Variants in GAB2 observed in about 807,000 individuals in gnomAD.
The protein encoded by GAB2 is GRB2 associated binding protein 2.
In GAB2, 26 loss-of-function variants were observed where a neutral mutation model predicts 65.5. The observed-to-expected ratio is 0.40, with a 90% CI of 0.29 to 0.55. The LOEUF (loss-of-function observed/expected upper bound fraction) is 0.55. Among genes scored for constraint, GAB2 ranks in the 20% least tolerant of loss-of-function variants. The probability of loss-of-function intolerance (pLI) is 0.53; values close to 1 mark genes in which losing one functional copy is unlikely to be tolerated. For synonymous variants in GAB2, 321 were observed against 329.6 expected, an observed-to-expected ratio of 0.97 and a Z score of 0.28; for missense variants, 884 against 875.8, an observed-to-expected ratio of 1.01 and a Z score of -0.12.
intron 1 of GAB2, among the ~76,000 whole-genome samples, chr11:78,383,906 T>C (rs1040404340): frequency 2.0e-5 from 3 of 152,172 alleles, no homozygotes; most frequent in Non-Finnish European, 2.9e-5. Context: ...TCGCCAGGCA[T>C]TGCGGGCTTT....
intron 4 of GAB2, among the ~76,000 whole-genome samples, chr11:78,225,608 A>G (rs1429609739): frequency 6.6e-6 from 1 of 152,214 alleles, no homozygotes; most frequent in Non-Finnish European, 1.5e-5. Flanking sequence ...TGTTTTATGT[A>G]TGTCTTTATC....
In GAB2 at chr11:78,266,083, C is replaced by T. The variant is rs909365046; in HGVS notation, c.376+14518G>A. 5.6e-4 allele frequency among the ~76,000 whole-genome samples: 85 copies of T among 151,604 alleles called. 1 individual carries two copies. The highest frequency in any genetic ancestry group is 1.1e-3 in the Non-Finnish European group (76 of 67,930). On this transcript the variant is annotated intron_variant, in intron 2 of 9. Transcript: ENST00000361507. ...TACAAAAATTTGCCGGGTGTGGTGGCGCATGCTTGTAATCCCAGCTACTTG... is the reference window on the plus strand; with the variant it reads ...TACAAAAATTTGCCGGGTGTGGTGGTGCATGCTTGTAATCCCAGCTACTTG...
chr11:78,407,693 GAAAGAAA>G (rs1420292533), intron 1 of GAB2, among the ~76,000 whole-genome samples: 5 of 140,878 alleles, frequency 3.5e-5, no homozygotes, highest in Non-Finnish European at 6.1e-5. Context: ...AAGAAAGAAA[GAAAGAAA>G]GAGATGGCAT....
chr11:78,220,995 T>C (rs1024488166), intron 8 of GAB2, among the ~76,000 whole-genome samples: 1 of 152,144 alleles, frequency 6.6e-6, no homozygotes, highest in Non-Finnish European at 1.5e-5. Context: ...TCCTCCAAGA[T>C]CTGAAGAGGG....
At chr11:78,237,827 C>T (rs989353308) in intron 3 of GAB2, among the ~76,000 whole-genome samples, 2 of 152,154 alleles carry the variant, frequency 1.3e-5, no homozygotes, top group Non-Finnish European at 2.9e-5. Context: ...TACCTATATA[C>T]CATGGAATAC....
At chr11:78,251,569 G>A (rs1159554702) in intron 2 of GAB2, among the ~76,000 whole-genome samples, 1 of 152,140 alleles carries the variant, frequency 6.6e-6, no homozygotes, top group Non-Finnish European at 1.5e-5. Flanking sequence ...CCATAAACAA[G>A]GCATATGGAA....
intron 1 of GAB2, among the ~76,000 whole-genome samples, chr11:78,321,882 AAAC>A (rs1855730785): frequency 6.6e-6 from 1 of 152,154 alleles, no homozygotes; most frequent in Admixed American, 6.5e-5. Flanking sequence ...AAAAAAAAAA[AAAC>A]AATGGGGATA....
intron 1 of GAB2, among the ~76,000 whole-genome samples, chr11:78,303,942 T>A (rs561802601): frequency 6.6e-6 from 1 of 152,122 alleles, no homozygotes; most frequent in Non-Finnish European, 1.5e-5. Flanking sequence ...CTCAGTTATA[T>A]CCAAAGCACT....
In GAB2 at chr11:78,365,881, G is replaced by A. The variant is rs369534036; in HGVS notation, c.75+51765C>T. On this transcript the variant is annotated intron_variant, in intron 1 of 9. Transcript: ENST00000361507. ...GACAAGTCCTCCATAATTCTATCCC[G>A]CTCTATGGAGGCATCAGAATTTCGT... Among the ~76,000 whole-genome samples the A allele has an allele frequency of 1.7e-3, 257 of 152,248 alleles. 1 individual carries two copies. Among genetic ancestry groups the A allele is most frequent in the Non-Finnish European group, 3.2e-3 (215 of 68,022 alleles).
In GAB2 at chr11:78,217,582, G is replaced by A. The variant is rs1446205054; in HGVS notation, c.*1690C>T. The stretch of plus-strand genomic sequence containing the variant: ...AGTTCTGTTCGCCCCAGGGTAGAAT[G>A]AAACGTCTGGTCTGTCCTGTTGCTT... On this transcript the variant is annotated 3_prime_UTR_variant, in exon 10 of 10. Transcript: ENST00000361507. The A allele has an allele frequency of 6.6e-6, 1 of 152,198 alleles. No homozygotes were observed. Among genetic ancestry groups the A allele is most frequent in the Non-Finnish European group, 1.5e-5 (1 of 68,052 alleles). The allele number at this position is 152,198 out of a possible 1,614,324, so 9.4% of individuals were successfully genotyped here.
chr11:78,356,936 C>T (rs1344256186), intron 1 of GAB2, among the ~76,000 whole-genome samples: 1 of 152,126 alleles, frequency 6.6e-6, no homozygotes, highest in Non-Finnish European at 1.5e-5. Flanking sequence ...ATATAACATA[C>T]CTAGAATCAA....
intron 2 of GAB2, among the ~76,000 whole-genome samples, chr11:78,269,579 C>T (rs1053669245): frequency 6.6e-6 from 1 of 152,158 alleles, no homozygotes; most frequent in Non-Finnish European, 1.5e-5. Context: ...TTTGAAGACC[C>T]CACTAACATT....
At chr11:78,369,555 GT>G (rs1856541106) in intron 1 of GAB2, among the ~76,000 whole-genome samples, 1 of 152,134 alleles carries the variant, frequency 6.6e-6, no homozygotes, top group Non-Finnish European at 1.5e-5. Context: ...CTTGCTATTA[GT>G]TTTGCTTTGG....
chr11:78,415,228 C>T (rs1857179605), intron 1 of GAB2, among the ~76,000 whole-genome samples: 1 of 152,238 alleles, frequency 6.6e-6, no homozygotes, highest in African/African-American at 2.4e-5. Context: ...CCTAGTTCAA[C>T]TACTTTTTCC....
intron 1 of GAB2, among the ~76,000 whole-genome samples, chr11:78,312,649 G>T (rs1855525055): frequency 6.6e-6 from 1 of 152,062 alleles, no homozygotes. Flanking sequence ...GACTGGTCAT[G>T]AACTCCTGAC....
intron 1 of GAB2, among the ~76,000 whole-genome samples, chr11:78,356,441 C>T (rs1421404244): frequency 6.6e-6 from 1 of 152,162 alleles, no homozygotes; most frequent in East Asian, 1.9e-4. Flanking sequence ...CTATAGCAGA[C>T]CTCAAGAATC....
intron 1 of GAB2, among the ~76,000 whole-genome samples, chr11:78,368,775 G>A (rs1404375217): frequency 6.6e-6 from 1 of 151,662 alleles, no homozygotes; most frequent in East Asian, 1.9e-4. Flanking sequence ...CCCCAGAAAA[G>A]CATCTTTAAA....
chr11:78,342,610 A>G (rs977466330), intron 1 of GAB2, among the ~76,000 whole-genome samples: 2 of 151,966 alleles, frequency 1.3e-5, no homozygotes, highest in Admixed American at 6.6e-5. Flanking sequence ...GGGTTTCACC[A>G]TGTTAGCCAG....
intron 3 of GAB2, 132 bp downstream of exon 3, chr11:78,250,025 G>T: frequency 1.1e-6 from 1 of 942,286 alleles, no homozygotes; most frequent in Non-Finnish European, 1.6e-6. Context: ...AAAAAATTAT[G>T]TTTTGTCATA....
Sources: allele counts gnomAD v4.1 joint callset (sites outside exome capture counted in the v4.1 genomes callset), GRCh38; gene constraint gnomAD v4.1.1; transcripts MANE v1.5; gene names NCBI Gene and HGNC (gene_info 2026-07-23, HGNC 2026-07-21).